Variants in HECW1 observed in about 807,000 individuals in gnomAD.
The protein encoded by HECW1 is E3 ubiquitin-protein ligase HECW1.
A neutral mutation model predicts 182.3 loss-of-function variants in HECW1; 61 were observed. The observed-to-expected ratio is 0.33, with a 90% CI of 0.27 to 0.41. The LOEUF (loss-of-function observed/expected upper bound fraction) is 0.41, where lower values mean the gene tolerates loss of function less well. Ranked by LOEUF, HECW1 falls within the 10% of genes least tolerant of loss-of-function variation. The pLI is 1.00. For synonymous variants in HECW1, 859 were observed against 832.6 expected (o/e 1.03, Z -0.55); for missense variants, 1,739 against 2,108.9 (o/e 0.82, Z 3.44).
At chr7:43,314,401 G>GCT (rs1808924327) in intron 4 of HECW1, among the ~76,000 whole-genome samples, 2 of 152,124 alleles carry the variant, frequency 1.3e-5, no homozygotes, top group African/African-American at 4.8e-5. Context: ...TAGAAAGAGA[G>GCT]CACCAGATAG....
At chr7:43,237,126 G>A (rs1345259735) in intron 2 of HECW1, among the ~76,000 whole-genome samples, 1 of 132,484 alleles carries the variant, frequency 7.5e-6, no homozygotes, top group African/African-American at 2.7e-5. Context: ...AAAAAAGAAG[G>A]AAGGAAGGAA....
At chr7:43,145,484 A>G (rs570152931) in intron 2 of HECW1, among the ~76,000 whole-genome samples, 205 of 152,120 alleles carry the variant, frequency 1.3e-3, no homozygotes, top group African/African-American at 4.8e-3. Context: ...TTTTGTAGAG[A>G]CAGGGTTTTG....
Position 43,407,707 on chromosome 7 carries a change from C to T in HECW1, c.777C>T (p.Thr259=), listed in dbSNP as rs760092845. The stretch of plus-strand genomic sequence containing the variant: ...GGAGATCCAAGATCATAGGCAACAC[C>T]GTGAACCCCATCTGGCAGGCCGAGG... The part of the protein sequence containing the change: ...QERRSKIIGN[T]VNPIWQAEQF... Residue 259 remains threonine, a synonymous_variant, in exon 8 of 30, where the codon ACC becomes ACT. Coordinates refer to ENST00000395891, the MANE Select transcript of HECW1 (RefSeq NM_015052.5). 3.1e-5 allele frequency: 50 copies of T among 1,613,122 alleles called. No individual in the cohort carries two copies. In the East Asian group the frequency reaches 4.0e-4, roughly 13 times the overall value.
At chr7:43,179,554 T>TTTGTTG (rs35378292) in intron 2 of HECW1, among the ~76,000 whole-genome samples, 14,312 of 148,140 alleles carry the variant, frequency 0.097, 1,014 homozygotes, top group East Asian at 0.28. Flanking sequence ...ATTTGCTAAG[T>TTTGTTG]TTGTTGTTGT....
intron 2 of HECW1, among the ~76,000 whole-genome samples, chr7:43,117,680 C>G (rs1785174150): frequency 6.6e-6 from 1 of 152,138 alleles, no homozygotes; most frequent in Admixed American, 6.5e-5. Context: ...TTTTAGGAAG[C>G]AAAGCAGCAT....
intron 3 of HECW1, among the ~76,000 whole-genome samples, chr7:43,288,622 G>A (rs1278836462): frequency 1.3e-5 from 2 of 152,264 alleles, no homozygotes; most frequent in East Asian, 3.9e-4. Context: ...TCTCTGAGTG[G>A]AGCCTTTATT....
chr7:43,188,832 C>T (rs995158764), intron 2 of HECW1, among the ~76,000 whole-genome samples: 2 of 152,180 alleles, frequency 1.3e-5, no homozygotes, highest in African/African-American at 4.8e-5. Flanking sequence ...CAGTACAGTG[C>T]CTTCTGCTAA....
chr7:43,451,013 A>G, intron 12 of HECW1, 84 bp downstream of exon 12: 2 of 943,166 alleles, frequency 2.1e-6, no homozygotes, highest in Non-Finnish European at 3.4e-6. Context: ...GTAAACATCT[A>G]AAGTCTTTCC....
chr7:43,335,583 G>A (rs932872158), intron 5 of HECW1, among the ~76,000 whole-genome samples: 2 of 152,230 alleles, frequency 1.3e-5, no homozygotes, highest in African/African-American at 4.8e-5. Flanking sequence ...AGGAATAAAT[G>A]TCTGTAGTTT....
chr7:43,216,604 A>G (rs540583550), intron 2 of HECW1, among the ~76,000 whole-genome samples: 1 of 151,966 alleles, frequency 6.6e-6, no homozygotes, highest in East Asian at 1.9e-4. Context: ...CCCAGGGACA[A>G]AAGTCTCCAC....
At position 43,355,787 on chromosome 7, in the gene HECW1, G is replaced by A. The variant is rs192454886; in HGVS notation, c.461-5099G>A. Among the ~76,000 whole-genome samples, 57 of 151,992 alleles carry A rather than the reference G, an allele frequency of 3.8e-4. No homozygotes were observed. The East Asian group carries it at 0.01, about 27-fold the overall frequency. The stretch of plus-strand genomic sequence containing the variant: ...AGGCAGATCATGAGGTCAAGAGATC[G>A]AGACCATCCTGGCCAACATGGTGAA... On this transcript the variant is annotated intron_variant, in intron 5 of 29. Transcript: ENST00000395891.
chr7:43,470,112 A>G (rs1237726769), intron 16 of HECW1, among the ~76,000 whole-genome samples: 1 of 152,196 alleles, frequency 6.6e-6, no homozygotes, highest in African/African-American at 2.4e-5. Context: ...GGGAAAGGAC[A>G]TGTGTAGTAG....
chr7:43,394,128 C>T (rs1465385106), intron 6 of HECW1, among the ~76,000 whole-genome samples: 1 of 152,084 alleles, frequency 6.6e-6, no homozygotes, highest in African/African-American at 2.4e-5. Flanking sequence ...ATGTGGAGGT[C>T]TCCCACAGCC....
At chr7:43,411,731 G>A (rs1363475851) in intron 8 of HECW1, among the ~76,000 whole-genome samples, 4 of 151,932 alleles carry the variant, frequency 2.6e-5, no homozygotes, top group Non-Finnish European at 5.9e-5. Context: ...TTTATTTTTG[G>A]TAGTGCTCCT....
chr7:43,261,684 G>T (rs1423004913), intron 3 of HECW1, among the ~76,000 whole-genome samples: 1 of 152,094 alleles, frequency 6.6e-6, no homozygotes, highest in Admixed American at 6.5e-5. Context: ...CTGTGACAGT[G>T]ATGTTATTTA....
intron 7 of HECW1, among the ~76,000 whole-genome samples, chr7:43,397,235 C>T (rs1356218978): frequency 6.6e-6 from 1 of 152,044 alleles, no homozygotes; most frequent in African/African-American, 2.4e-5. Flanking sequence ...TTTGTCTAAA[C>T]AAAACCTCAC....
chr7:43,316,245 A>G (rs1199629711), intron 4 of HECW1, among the ~76,000 whole-genome samples: 1 of 152,206 alleles, frequency 6.6e-6, no homozygotes, highest in East Asian at 1.9e-4. Flanking sequence ...CATACCACTC[A>G]GAAAATGTAA....
intron 7 of HECW1, among the ~76,000 whole-genome samples, chr7:43,400,776 T>G (rs1373835546): frequency 2.0e-5 from 3 of 152,212 alleles, no homozygotes; most frequent in Non-Finnish European, 1.5e-5. Flanking sequence ...ACAACACAAA[T>G]GTACTCTTAC....
intron 6 of HECW1, among the ~76,000 whole-genome samples, chr7:43,365,888 G>A (rs1246718562): frequency 2.0e-5 from 3 of 152,166 alleles, no homozygotes; most frequent in Non-Finnish European, 4.4e-5. Context: ...GTGGCCAGGA[G>A]TTCAAGACAA....
Sources: allele counts gnomAD v4.1 joint callset (sites outside exome capture counted in the v4.1 genomes callset), GRCh38; gene constraint gnomAD v4.1.1; transcripts MANE v1.5; gene names NCBI Gene and HGNC (gene_info 2026-07-23, HGNC 2026-07-21).